Variants in STOX1 observed in about 807,000 individuals in gnomAD.
STOX1 encodes storkhead-box protein 1.
Under a neutral mutation model 74.8 loss-of-function variants are expected in STOX1, and 57 were observed. The observed-to-expected ratio is 0.76, with a 90% CI of 0.62 to 0.95. The LOEUF (loss-of-function observed/expected upper bound fraction) is 0.95. STOX1 is among the 40% of genes least tolerant of loss of function. STOX1 has a pLI of 0.00. For synonymous variants in STOX1, 375 were observed against 401.3 expected (o/e 0.93, Z 0.78); for missense variants, 1,010 against 1,117.0 (o/e 0.90, Z 1.37).
rs768839965 is a variant in STOX1, at chr10:68,884,412, C to T, written c.616C>T (p.Leu206=). Reference sequence around the variant, plus strand: ...AACCACCCAGGAAAATAAGAGAATGCTGCCATCAGATGAAAGTCGCCTGAT... The same window carrying T: ...AACCACCCAGGAAAATAAGAGAATGTTGCCATCAGATGAAAGTCGCCTGAT... The part of the protein sequence containing the change: ...NTTTQENKRM[L]PSDESRLMPA... Residue 206 remains leucine (L), a synonymous_variant, in exon 3 of 4, where the codon CTG becomes TTG. Transcript: ENST00000298596. 9 of 1,613,978 alleles carry T rather than the reference C, an allele frequency of 5.6e-6. No individual in the cohort carries two copies. Among genetic ancestry groups the T allele is most frequent in the South Asian group, 3.3e-5 (3 of 91,090 alleles).
chr10:68,878,569 A>G (rs1043770857), intron 1 of STOX1, among the ~76,000 whole-genome samples: 1 of 152,240 alleles, frequency 6.6e-6, no homozygotes, highest in Non-Finnish European at 1.5e-5. Flanking sequence ...CCCAGGCTGC[A>G]GAAGCAGACA....
chr10:68,843,793 CAG>C lies in STOX1; in HGVS notation c.310+15862_310+15863del, dbSNP rs529838866. On this transcript the variant is annotated intron_variant, in intron 1 of 3. Coordinates refer to ENST00000298596, the MANE Select transcript of STOX1 (RefSeq NM_152709.5). ...AAGCTTGTCTTGAACTCCTTGACCT[CAG>C]ATGATCCAACCACCTCAGCATCCCA... Among the ~76,000 whole-genome samples the C allele has an allele frequency of 1.1e-3, 175 of 152,230 alleles. 1 individual carries two copies. The highest frequency in any genetic ancestry group is 4.1e-3 in the African/African-American group (170 of 41,566).
At chr10:68,888,627 A>AT (rs747038041) in intron 3 of STOX1, among the ~76,000 whole-genome samples, 7,231 of 107,748 alleles carry the variant, frequency 0.067, 507 homozygotes, top group African/African-American at 0.14. Context: ...CTTTGCCAGT[A>AT]TTTTTTTTTT....
intron 1 of STOX1, among the ~76,000 whole-genome samples, chr10:68,842,914 C>A (rs939500470): frequency 1.3e-5 from 2 of 152,202 alleles, no homozygotes; most frequent in South Asian, 2.1e-4. Flanking sequence ...ACCAAACGAG[C>A]CTTTGACTCC....
chr10:68,834,352 T>C (rs1020644136), intron 1 of STOX1, among the ~76,000 whole-genome samples: 13 of 152,162 alleles, frequency 8.5e-5, no homozygotes, highest in African/African-American at 2.9e-4. Flanking sequence ...GCTGCAAGAA[T>C]TGGGCAAGTC....
At chr10:68,880,996 T>C (rs1840803550) in intron 1 of STOX1, among the ~76,000 whole-genome samples, 1 of 152,208 alleles carries the variant, frequency 6.6e-6, no homozygotes, top group Non-Finnish European at 1.5e-5. Flanking sequence ...ATCTGGTCCC[T>C]ACTCTGTCTT....
intron 3 of STOX1, among the ~76,000 whole-genome samples, chr10:68,890,857 G>A (rs974753371): frequency 1.3e-5 from 2 of 151,926 alleles, no homozygotes; most frequent in African/African-American, 4.8e-5. Context: ...TCACCATGTT[G>A]GCCAGGCTGG....
intron 2 of STOX1, among the ~76,000 whole-genome samples, chr10:68,882,575 G>A (rs1840835829): frequency 6.7e-6 from 1 of 149,986 alleles, no homozygotes; most frequent in Admixed American, 6.7e-5. Context: ...TCGGCTCACT[G>A]CAACTTCCGC....
intron 3 of STOX1, among the ~76,000 whole-genome samples, chr10:68,890,695 G>T (rs1459477718): frequency 6.2e-5 from 9 of 144,758 alleles, no homozygotes; most frequent in Non-Finnish European, 1.3e-4. Context: ...CTGTCACCCA[G>T]GCTGCAGTGC....
intron 1 of STOX1, among the ~76,000 whole-genome samples, chr10:68,858,450 C>G (rs1249472308): frequency 6.6e-6 from 1 of 152,120 alleles, no homozygotes; most frequent in Non-Finnish European, 1.5e-5. Flanking sequence ...AATTCACAGT[C>G]TTAAAGTTGA....
intron 1 of STOX1, among the ~76,000 whole-genome samples, chr10:68,832,976 T>C (rs1839448936): frequency 6.6e-6 from 1 of 151,860 alleles, no homozygotes; most frequent in Admixed American, 6.6e-5. Flanking sequence ...CGCTATGTTA[T>C]CCATTTTGGT....
intron 1 of STOX1, among the ~76,000 whole-genome samples, chr10:68,860,935 G>A (rs10823261): frequency 0.25 from 38,241 of 151,886 alleles, 5,151 homozygotes; most frequent in Admixed American, 0.31. Context: ...TTGGCCGGGC[G>A]CGGTGGCTCA....
intron 1 of STOX1, among the ~76,000 whole-genome samples, chr10:68,876,234 C>T (rs1589233381): frequency 1.3e-5 from 2 of 151,522 alleles, no homozygotes; most frequent in Non-Finnish European, 2.9e-5. Context: ...CTCGGCTCAC[C>T]GCAACCTCTG....
Position 68,885,879 on chromosome 10 carries a change from T to C in STOX1, c.2083T>C (p.Leu695=), listed in dbSNP as rs765778499. The C allele has an allele frequency of 5.0e-6, 8 of 1,614,018 alleles. No individual in the cohort carries two copies. The Admixed American group carries it at 1.2e-4, about 24-fold the overall frequency. Residue 695 remains leucine (L), a synonymous_variant, in exon 3 of 4, where the codon TTG becomes CTG. Transcript: ENST00000298596. ...ARQDKDSEEL[L]RKGFVQDAET... ...ACAAGACAAAGACTCAGAAGAATTATTGAGAAAAGGATTTGTCCAGGATGC... is the reference window on the plus strand; with the variant it reads ...ACAAGACAAAGACTCAGAAGAATTACTGAGAAAAGGATTTGTCCAGGATGC...
At chr10:68,893,137 C>T, downstream of STOX1, 1 of 189,646 alleles carries the variant, frequency 5.3e-6, no homozygotes. Flanking sequence ...GATTTCAACA[C>T]AAAATCAGAA....
intron 2 of STOX1, among the ~76,000 whole-genome samples, chr10:68,883,810 C>G (rs1840870126): frequency 7.6e-6 from 1 of 131,134 alleles, no homozygotes; most frequent in African/African-American, 3.0e-5. Context: ...GTTGCCCAGG[C>G]TGGAGTACAG....
At chr10:68,850,035 G>C (rs1839944946) in intron 1 of STOX1, among the ~76,000 whole-genome samples, 1 of 152,082 alleles carries the variant, frequency 6.6e-6, no homozygotes, top group African/African-American at 2.4e-5. Flanking sequence ...TTTTTGTTTT[G>C]AGATGGAGTC....
chr10:68,859,339 C>G lies in STOX1; in HGVS notation c.311-22619C>G, dbSNP rs547230133. Among the ~76,000 whole-genome samples the G allele has an allele frequency of 2.0e-4, 31 of 152,176 alleles. No individual in the cohort carries two copies. The South Asian group carries it at 6.4e-3, about 32-fold the overall frequency. ...TCTTCCCCTCTGTGATTTCTGCATG[C>G]TGTAAGGAAATACTTCCTCATCCAG... On this transcript the variant is annotated intron_variant, in intron 1 of 3. Coordinates refer to ENST00000298596, the MANE Select transcript of STOX1 (RefSeq NM_152709.5).
Position 68,884,859 on chromosome 10 carries a change from C to T in STOX1, c.1063C>T (p.Arg355Ter), listed in dbSNP as rs377238468. The T allele has an allele frequency of 7.9e-5, 128 of 1,613,860 alleles. No individual in the cohort carries two copies. The highest frequency in any genetic ancestry group is 9.7e-5 in the Non-Finnish European group (114 of 1,179,966). The change falls in exon 3 of 4, where the codon CGA becomes TGA. Residue 355 changes from arginine to a stop codon, truncating the protein, a stop_gained. Transcript: ENST00000298596. LOFTEE classifies it high-confidence loss of function. ...TGAAGATGACTTGGACAATATCCCT[C>T]GAGATGTTGAACATGAGATAATCAA... Reference protein sequence around the residue: ...RDEDDLDNIPRDVEHEIIKRI... With the variant: ...RDEDDLDNIP
Sources: gnomAD v4.1 joint callset for allele counts (sites outside exome capture counted in the v4.1 genomes callset) on GRCh38, gnomAD v4.1.1 for gene constraint, MANE v1.5 for transcripts, NCBI Gene and HGNC (gene_info 2026-07-23, HGNC 2026-07-21) for gene names.